The following GOLGA5 variants were observed in gnomAD, a reference collection of about 807,000 sequenced individuals.
GOLGA5 encodes the protein golgin A5.
In GOLGA5, 50 loss-of-function variants were observed where a neutral mutation model predicts 93.5. The observed-to-expected ratio is 0.53, with a 90% CI of 0.43 to 0.68. The LOEUF (loss-of-function observed/expected upper bound fraction) is 0.68, where lower values mean the gene tolerates loss of function less well. Ranked by LOEUF, GOLGA5 falls within the 30% of genes least tolerant of loss-of-function variation. The pLI, the probability that GOLGA5 is intolerant of heterozygous loss-of-function variation, is 0.00. For synonymous variants in GOLGA5, 312 were observed against 304.5 expected, an observed-to-expected ratio of 1.02 and a Z score of -0.26; for missense variants, 760 against 856.4, an observed-to-expected ratio of 0.89 and a Z score of 1.40.
At chr14:92,834,184 C>CTTTTTTTTTTTTTTTT (rs35449807) in intron 10 of GOLGA5, among the ~76,000 whole-genome samples, 5 of 135,058 alleles carry the variant, frequency 3.7e-5, no homozygotes, top group African/African-American at 5.2e-5. Flanking sequence ...TAGGTTTCAC[C>CTTTTTTTTTTTTTTTT]TTTTTTTTTT....
chr14:92,839,432 C>A lies in GOLGA5; in HGVS notation c.2182C>A (p.Pro728Thr). Residue 728 changes from proline (P) to threonine (T), a missense_variant, in exon 13 of 13, where the codon CCA becomes ACA. By Grantham distance (38) the Pro-to-Thr change is conservative (BLOSUM62 -1). Coordinates refer to ENST00000163416, the MANE Select transcript of GOLGA5 (RefSeq NM_005113.4). ...TYTPEMHHDQ[P>T]YGK ...CACACCAGAAATGCACCACGACCAA[C>A]CATATGGCAAATGAACCAAGCCCAG... 3 of 1,607,308 alleles carry A rather than the reference C, an allele frequency of 1.9e-6. No individual in the cohort carries two copies. Among genetic ancestry groups the A allele is most frequent in the Non-Finnish European group, 2.6e-6 (3 of 1,176,278 alleles).
chr14:92,797,566 T>G lies in GOLGA5; in HGVS notation c.129T>G (p.Thr43=). 3 of 1,613,558 alleles carry G rather than the reference T, an allele frequency of 1.9e-6. No homozygotes were observed. The highest frequency in any genetic ancestry group is 2.5e-6 in the Non-Finnish European group (3 of 1,179,456). ...SNIYSKNTDY[T]ELHQQNTDLI... is the part of the protein sequence containing the mutation. The stretch of plus-strand genomic sequence containing the variant: ...TATATAGCAAAAATACTGACTATAC[T>G]GAACTTCACCAGCAAAATACAGATT... Residue 43 remains threonine (T), a synonymous_variant, in exon 2 of 13, where the codon ACT becomes ACG. Transcript: ENST00000163416.
At chr14:92,830,249 C>T (rs1451336610) in intron 9 of GOLGA5, among the ~76,000 whole-genome samples, 1 of 152,088 alleles carries the variant, frequency 6.6e-6, no homozygotes, top group Non-Finnish European at 1.5e-5. Flanking sequence ...ACCTGGGAGG[C>T]GGAGGTTGCA....
intron 1 of GOLGA5, 105 bp from the exon 2 acceptor site, chr14:92,797,303 G>C: frequency 1.6e-6 from 1 of 610,052 alleles, no homozygotes; most frequent in East Asian, 2.9e-5. Flanking sequence ...GTAAAAGGTA[G>C]GGTTAGGATT....
chr14:92,797,265 A>T (rs546280499), intron 1 of GOLGA5, 143 bp from the exon 2 acceptor site: 148 of 532,524 alleles, frequency 2.8e-4, no homozygotes, highest in Admixed American at 6.7e-4. Flanking sequence ...AGCCTCATTT[A>T]AGTAGTTTTC....
chr14:92,797,216 A>G (rs1459950441), intron 1 of GOLGA5, among the ~76,000 whole-genome samples, 192 bp from the exon 2 acceptor site: 2 of 152,146 alleles, frequency 1.3e-5, no homozygotes, highest in Non-Finnish European at 2.9e-5. Flanking sequence ...CCTATAAGGT[A>G]AGTACACTTT....
chr14:92,808,088 G>T (rs963377774), intron 3 of GOLGA5, among the ~76,000 whole-genome samples: 1 of 152,076 alleles, frequency 6.6e-6, no homozygotes, highest in Non-Finnish European at 1.5e-5. Flanking sequence ...AAAAAAATTA[G>T]CTGGGCATGG....
intron 6 of GOLGA5, among the ~76,000 whole-genome samples, chr14:92,812,543 C>T (rs1404192343): frequency 1.3e-5 from 2 of 152,198 alleles, no homozygotes; most frequent in Non-Finnish European, 2.9e-5. Flanking sequence ...GTGCTGTCTT[C>T]ATTTCTGTAG....
At chr14:92,824,999 T>A (rs1885387755) in intron 9 of GOLGA5, among the ~76,000 whole-genome samples, 1 of 152,228 alleles carries the variant, frequency 6.6e-6, no homozygotes, top group Non-Finnish European at 1.5e-5. Context: ...TTCCTATTAA[T>A]GATTGATCAG....
intron 2 of GOLGA5, among the ~76,000 whole-genome samples, chr14:92,803,673 A>G (rs1884921754): frequency 6.6e-6 from 1 of 152,214 alleles, no homozygotes. Context: ...TAATTTCAGG[A>G]AAATAATGTA....
chr14:92,835,823 G>GTT (rs1885629244), intron 11 of GOLGA5, among the ~76,000 whole-genome samples, 159 bp downstream of exon 11: 1 of 152,070 alleles, frequency 6.6e-6, no homozygotes, highest in Non-Finnish European at 1.5e-5. Context: ...TTATTTCACA[G>GTT]TTATATTACA....
At chr14:92,810,862 T>C (rs1204581087) in intron 5 of GOLGA5, among the ~76,000 whole-genome samples, 1 of 152,256 alleles carries the variant, frequency 6.6e-6, no homozygotes, top group Non-Finnish European at 1.5e-5. Flanking sequence ...GAGCTCCATA[T>C]GCAGTCACAT....
chr14:92,828,091 T>C (rs529545578), intron 9 of GOLGA5, among the ~76,000 whole-genome samples: 146 of 152,324 alleles, frequency 9.6e-4, no homozygotes, highest in African/African-American at 3.3e-3. Context: ...GCTAAGATCA[T>C]TGATGAAAAT....
chr14:92,795,467 T>C (rs1450658253), intron 1 of GOLGA5, among the ~76,000 whole-genome samples: 1 of 152,198 alleles, frequency 6.6e-6, no homozygotes, highest in Non-Finnish European at 1.5e-5. Flanking sequence ...AGCTGCTGTC[T>C]AAACTCTGGG....
At chr14:92,836,894 G>T (rs574773618) in intron 11 of GOLGA5, among the ~76,000 whole-genome samples, 2 of 151,950 alleles carry the variant, frequency 1.3e-5, no homozygotes, top group African/African-American at 4.8e-5. Context: ...GCGAAACCCC[G>T]TCTCTACTAA....
intron 1 of GOLGA5, among the ~76,000 whole-genome samples, chr14:92,795,846 G>A (rs1317549281): frequency 6.6e-6 from 1 of 152,240 alleles, no homozygotes; most frequent in Non-Finnish European, 1.5e-5. Context: ...AATGACATTT[G>A]AGTGAAGACC....
At chr14:92,801,859 T>A (rs1374422219) in intron 2 of GOLGA5, among the ~76,000 whole-genome samples, 1 of 152,196 alleles carries the variant, frequency 6.6e-6, no homozygotes, top group African/African-American at 2.4e-5. Context: ...AGTGTGTTTC[T>A]GGCCACTTAA....
chr14:92,830,434 C>G (rs1885506894), intron 9 of GOLGA5, among the ~76,000 whole-genome samples: 2 of 149,696 alleles, frequency 1.3e-5, no homozygotes, highest in South Asian at 4.2e-4. Context: ...TATCAGATAT[C>G]ATTAGTGTTA....
chr14:92,825,493 T>C (rs1470825888), intron 9 of GOLGA5, among the ~76,000 whole-genome samples: 4 of 152,152 alleles, frequency 2.6e-5, no homozygotes, highest in African/African-American at 9.7e-5. Flanking sequence ...CACCAATTGG[T>C]TTAATCCTTT....
Sources: gnomAD v4.1 joint callset for allele counts (sites outside exome capture counted in the v4.1 genomes callset) on GRCh38, gnomAD v4.1.1 for gene constraint, MANE v1.5 for transcripts, NCBI Gene and HGNC (gene_info 2026-07-23, HGNC 2026-07-21) for gene names.